IL1RAPL1: variants seen among roughly 807,000 people sequenced by gnomAD.
The protein encoded by IL1RAPL1 is interleukin-1 receptor accessory protein-like 1.
A neutral mutation model predicts 48.4 loss-of-function variants in IL1RAPL1; 3 were observed. The ratio of observed to expected loss-of-function variants is 0.06; its 90% CI spans 0.03 to 0.16. IL1RAPL1 has a LOEUF of 0.16. IL1RAPL1 is among the 10% of genes least tolerant of loss of function. The pLI is 1.00. For synonymous variants in IL1RAPL1, 185 were observed against 187.7 expected, an observed-to-expected ratio of 0.99 and a Z score of 0.12; for missense variants, 349 against 530.6, an observed-to-expected ratio of 0.66 and a Z score of 3.36.
At chrX:29,265,204 C>T (rs1013566550) in intron 2 of IL1RAPL1, among the ~76,000 whole-genome samples, 11 of 110,809 alleles carry the variant, frequency 9.9e-5, no homozygotes, top group Non-Finnish European at 1.9e-4. Context: ...TGAGCCACCA[C>T]GCCTGGCCCT....
chrX:28,898,072 C>T (rs1489466547), intron 2 of IL1RAPL1, among the ~76,000 whole-genome samples: 2 of 111,712 alleles, frequency 1.8e-5, no homozygotes, highest in Non-Finnish European at 3.8e-5. Context: ...TTACATTTCA[C>T]TTCTTTTGTG....
intron 2 of IL1RAPL1, among the ~76,000 whole-genome samples, chrX:29,199,040 C>T (rs1930500267): frequency 9.0e-6 from 1 of 111,400 alleles, no homozygotes; most frequent in Non-Finnish European, 1.9e-5. Context: ...TAATTCATGT[C>T]CATGAGTAAT....
intron 1 of IL1RAPL1, among the ~76,000 whole-genome samples, chrX:28,588,820 A>G (rs1430075146): frequency 1.8e-5 from 2 of 112,156 alleles, no homozygotes; most frequent in African/African-American, 6.5e-5. Flanking sequence ...TATTTACCCA[A>G]TATCCTAAAT....
At chrX:29,415,984 G>A (rs1602224636) in intron 5 of IL1RAPL1, among the ~76,000 whole-genome samples, 1 of 111,516 alleles carries the variant, frequency 9.0e-6, no homozygotes, top group East Asian at 2.8e-4. Flanking sequence ...TTCAATATGG[G>A]AGTTTTTGTT....
At chrX:29,118,689 A>G (rs1928723520) in intron 2 of IL1RAPL1, among the ~76,000 whole-genome samples, 1 of 111,792 alleles carries the variant, frequency 8.9e-6, no homozygotes, top group Non-Finnish European at 1.9e-5. Flanking sequence ...ACCAGTTTAT[A>G]TAGTCTAGAA....
intron 2 of IL1RAPL1, among the ~76,000 whole-genome samples, chrX:28,939,527 A>G (rs987263753): frequency 3.6e-5 from 4 of 110,578 alleles, no homozygotes. Flanking sequence ...ACAGGGGCCT[A>G]CTTCAGGGTG....
chrX:29,513,546 G>A (rs772743212), intron 5 of IL1RAPL1, among the ~76,000 whole-genome samples: 56 of 111,868 alleles, frequency 5.0e-4, no homozygotes, highest in Admixed American at 2.2e-3. Flanking sequence ...CTGGTTTCGT[G>A]TAAGGAGTGT....
At chrX:28,858,620 T>G (rs1921864283) in intron 2 of IL1RAPL1, among the ~76,000 whole-genome samples, 1 of 112,607 alleles carries the variant, frequency 8.9e-6, no homozygotes, top group South Asian at 3.7e-4. Context: ...TACATTGTTT[T>G]CAGACACAAT....
chrX:29,492,492 C>T (rs937691792), intron 5 of IL1RAPL1, among the ~76,000 whole-genome samples: 2 of 111,781 alleles, frequency 1.8e-5, no homozygotes, highest in Admixed American at 9.5e-5. Flanking sequence ...TCTTTGTCAG[C>T]TTCCAGAAGT....
At chrX:28,609,794 T>A (rs1052997794) in intron 1 of IL1RAPL1, among the ~76,000 whole-genome samples, 3 of 110,578 alleles carry the variant, frequency 2.7e-5, no homozygotes, top group Non-Finnish European at 3.8e-5. Context: ...GAATGTGTTA[T>A]CCAATAACCC....
intron 2 of IL1RAPL1, among the ~76,000 whole-genome samples, chrX:28,999,114 C>T (rs1925788415): frequency 9.0e-6 from 1 of 111,115 alleles, no homozygotes; most frequent in South Asian, 3.8e-4. Context: ...TATGAGCTCT[C>T]TGCAATTGGG....
At chrX:29,190,711 T>G (rs1930336060) in intron 2 of IL1RAPL1, among the ~76,000 whole-genome samples, 1 of 112,673 alleles carries the variant, frequency 8.9e-6, no homozygotes, top group East Asian at 2.8e-4. Context: ...CTCCATAGAT[T>G]AGAATGGTCT....
At chrX:29,800,830 C>CAAAAAAA (rs368811843) in intron 6 of IL1RAPL1, among the ~76,000 whole-genome samples, 1 of 36,368 alleles carries the variant, frequency 2.7e-5, no homozygotes, top group Non-Finnish European at 4.7e-5. Flanking sequence ...ACTAAAAATA[C>CAAAAAAA]AAAAAAAAAA....
At chrX:29,566,397 G>A (rs1922408356) in intron 5 of IL1RAPL1, among the ~76,000 whole-genome samples, 1 of 111,132 alleles carries the variant, frequency 9.0e-6, no homozygotes, top group South Asian at 3.7e-4. Flanking sequence ...GGAGTTTGAA[G>A]CCACCTTGGG....
chrX:29,762,171 G>C (rs377402758), intron 6 of IL1RAPL1, among the ~76,000 whole-genome samples: 2 of 111,762 alleles, frequency 1.8e-5, no homozygotes, highest in East Asian at 5.6e-4. Flanking sequence ...CAATTACTTA[G>C]AATTTAAGCG....
chrX:29,893,941 G>C (rs976179691), intron 6 of IL1RAPL1, among the ~76,000 whole-genome samples: 18 of 111,473 alleles, frequency 1.6e-4, no homozygotes, highest in African/African-American at 5.9e-4. Context: ...ATGTCCCAAT[G>C]GTCCTACGTA....
chrX:28,916,797 C>G (rs1923499617), intron 2 of IL1RAPL1, among the ~76,000 whole-genome samples: 1 of 112,331 alleles, frequency 8.9e-6, no homozygotes, highest in South Asian at 3.6e-4. Context: ...TAAGATCGAT[C>G]TTGTCAGATA....
At chrX:28,861,809 T>C (rs778296305) in intron 2 of IL1RAPL1, among the ~76,000 whole-genome samples, 5 of 111,592 alleles carry the variant, frequency 4.5e-5, no homozygotes, top group Non-Finnish European at 9.4e-5. Context: ...CCCCAAACTT[T>C]GTTTACTAAA....
chrX:28,805,403 C>T (rs947819846), intron 2 of IL1RAPL1, among the ~76,000 whole-genome samples: 5 of 110,757 alleles, frequency 4.5e-5, no homozygotes, highest in African/African-American at 9.8e-5. Flanking sequence ...GTGTGGATTC[C>T]GACTGACAAA....
Sources: allele counts gnomAD v4.1 joint callset (sites outside exome capture counted in the v4.1 genomes callset), GRCh38; gene constraint gnomAD v4.1.1; transcripts MANE v1.5; gene names NCBI Gene and HGNC (gene_info 2026-07-23, HGNC 2026-07-21).